Variants in RBFOX1 observed in about 807,000 individuals in gnomAD.
RBFOX1 encodes RNA binding protein fox-1 homolog 1.
In RBFOX1, 8 loss-of-function variants were observed where a neutral mutation model predicts 57.7. The ratio of observed to expected loss-of-function variants is 0.14; its 90% confidence interval spans 0.08 to 0.25. The LOEUF is 0.25. Among genes scored for constraint, RBFOX1 ranks in the 10% least tolerant of loss-of-function variants. The pLI is 1.00. For synonymous variants in RBFOX1, 326 were observed against 222.4 expected (o/e 1.47, Z -4.15); for missense variants, 611 against 548.5 (o/e 1.11, Z -1.14).
chr16:5,983,991 A>C (rs1438141657), intron 4 of RBFOX1, among the ~76,000 whole-genome samples: 25 of 108,234 alleles, frequency 2.3e-4, no homozygotes, highest in African/African-American at 5.7e-4. Flanking sequence ...TTCCTCCCAC[A>C]TTCTTCTTCT....
chr16:7,488,789 C>A (rs574283065), intron 4 of RBFOX1, among the ~76,000 whole-genome samples: 2 of 152,172 alleles, frequency 1.3e-5, no homozygotes, highest in Non-Finnish European at 2.9e-5. Context: ...TCTATCTATA[C>A]ATATCCATAC....
At chr16:7,485,086 G>A (rs542393975) in intron 4 of RBFOX1, among the ~76,000 whole-genome samples, 1 of 151,598 alleles carries the variant, frequency 6.6e-6, no homozygotes, top group South Asian at 2.1e-4. Flanking sequence ...TAATAACAGA[G>A]GACTTGACTT....
At chr16:7,624,983 C>T (rs1227787127) in intron 10 of RBFOX1, among the ~76,000 whole-genome samples, 2 of 152,010 alleles carry the variant, frequency 1.3e-5, no homozygotes, top group African/African-American at 2.4e-5. Context: ...CATACAGAGA[C>T]CGGAGAGTGG....
intron 3 of RBFOX1, among the ~76,000 whole-genome samples, chr16:6,695,342 A>G (rs2060858228): frequency 6.8e-6 from 1 of 147,016 alleles, no homozygotes; most frequent in South Asian, 2.2e-4. Flanking sequence ...CTTGAACCCA[A>G]CAGGTAGAGG....
intron 3 of RBFOX1, among the ~76,000 whole-genome samples, chr16:5,722,836 A>G (rs532964937): frequency 3.3e-5 from 5 of 152,312 alleles, no homozygotes; most frequent in East Asian, 3.9e-4. Context: ...CCCAAGACCA[A>G]GTATCCCCCT....
intron 2 of RBFOX1, among the ~76,000 whole-genome samples, chr16:6,498,767 A>G (rs1355629542): frequency 6.6e-6 from 1 of 152,218 alleles, no homozygotes; most frequent in East Asian, 1.9e-4. Context: ...ATAATTGGAT[A>G]ATGTTTCAGA....
chr16:7,187,926 A>C (rs1020065827), intron 4 of RBFOX1, among the ~76,000 whole-genome samples: 1 of 152,282 alleles, frequency 6.6e-6, no homozygotes, highest in African/African-American at 2.4e-5. Context: ...CCATGACCGC[A>C]TGGGTCAAAT....
intron 3 of RBFOX1, among the ~76,000 whole-genome samples, chr16:6,895,448 G>GTGTGTA (rs869028735): frequency 9.9e-4 from 54 of 54,610 alleles, no homozygotes; most frequent in Non-Finnish European, 1.2e-3. Flanking sequence ...GTGTGTGTGT[G>GTGTGTA]TATATATATA....
At chr16:7,174,866 C>G (rs753126048) in intron 4 of RBFOX1, among the ~76,000 whole-genome samples, 7 of 152,150 alleles carry the variant, frequency 4.6e-5, no homozygotes, top group Non-Finnish European at 7.4e-5. Context: ...CAGCAACATA[C>G]AAGCATCCAG....
At chr16:5,412,652 G>A (rs144345033) in intron 1 of RBFOX1, among the ~76,000 whole-genome samples, 266 of 152,274 alleles carry the variant, frequency 1.7e-3, no homozygotes, top group Middle Eastern at 0.017. Flanking sequence ...TTGTGCGCTG[G>A]TTCTTGCTAA....
chr16:7,023,626 T>G (rs892123552), intron 3 of RBFOX1, among the ~76,000 whole-genome samples: 6 of 147,242 alleles, frequency 4.1e-5, no homozygotes, highest in African/African-American at 1.3e-4. Flanking sequence ...TGACTATAAT[T>G]TCAGCACTGG....
At chr16:5,602,134 C>G (rs1033982997), downstream of RBFOX1, among the ~76,000 whole-genome samples, 5 of 152,216 alleles carry the variant, frequency 3.3e-5, no homozygotes, top group African/African-American at 1.2e-4. Flanking sequence ...AGGTCAGCTT[C>G]CTGTCTTGCC....
chr16:7,639,120 T>C (rs1022872061), intron 11 of RBFOX1, among the ~76,000 whole-genome samples: 2 of 152,182 alleles, frequency 1.3e-5, no homozygotes, highest in African/African-American at 4.8e-5. Flanking sequence ...GGGTGGTTAG[T>C]TTTGCTTGCA....
chr16:6,237,716 G>C (rs2097516382), intron 1 of RBFOX1, among the ~76,000 whole-genome samples: 1 of 151,696 alleles, frequency 6.6e-6, no homozygotes. Flanking sequence ...ACTCCAGCCT[G>C]GGCGACAGAG....
At chr16:6,110,563 C>A (rs1297125103) in intron 1 of RBFOX1, among the ~76,000 whole-genome samples, 2 of 152,058 alleles carry the variant, frequency 1.3e-5, no homozygotes, top group African/African-American at 2.4e-5. Context: ...AAAACAAAAC[C>A]CTCCAATTAA....
intron 1 of RBFOX1, among the ~76,000 whole-genome samples, chr16:5,465,441 C>T (rs1237116062): frequency 6.6e-6 from 1 of 152,166 alleles, no homozygotes; most frequent in East Asian, 1.9e-4. Flanking sequence ...GTTGCAAACA[C>T]AGGAGTTTTG....
intron 3 of RBFOX1, among the ~76,000 whole-genome samples, chr16:6,984,404 C>A (rs1413386840): frequency 6.6e-6 from 1 of 152,082 alleles, no homozygotes; most frequent in Non-Finnish European, 1.5e-5. Context: ...GCATCCTCAC[C>A]AGCCTAGGGG....
intron 1 of RBFOX1, among the ~76,000 whole-genome samples, chr16:6,282,437 A>G (rs968587713): frequency 6.6e-6 from 1 of 150,444 alleles, no homozygotes; most frequent in Non-Finnish European, 1.5e-5. Context: ...TGTTACACAG[A>G]TAAACATGTG....
chr16:5,281,159 T>A (rs529755037), intron 1 of RBFOX1, among the ~76,000 whole-genome samples: 10 of 152,322 alleles, frequency 6.6e-5, no homozygotes, highest in South Asian at 2.1e-4. Flanking sequence ...AAAATTTTTT[T>A]AATTTCCATC....
Sources: allele counts gnomAD v4.1 joint callset (sites outside exome capture counted in the v4.1 genomes callset), GRCh38; gene constraint gnomAD v4.1.1; transcripts MANE v1.5; gene names NCBI Gene and HGNC (gene_info 2026-07-23, HGNC 2026-07-21).